The following USF2 variants were observed in gnomAD, a reference collection of about 807,000 sequenced individuals.
USF2 encodes the protein upstream transcription factor 2, c-fos interacting.
A neutral mutation model predicts 46.9 loss-of-function variants in USF2; 16 were observed. The ratio of observed to expected loss-of-function variants is 0.34; its 90% CI spans 0.23 to 0.52. USF2 has a LOEUF of 0.52. Ranked by LOEUF, USF2 falls within the 20% of genes least tolerant of loss-of-function variation. The probability of loss-of-function intolerance (pLI) is 0.96; values close to 1 mark genes in which losing one functional copy is unlikely to be tolerated. For missense variants in USF2, 411 were observed against 474.0 expected, an observed-to-expected ratio of 0.87 and a Z score of 1.23; for synonymous variants, 239 against 194.1, an observed-to-expected ratio of 1.23 and a Z score of -1.92.
intron 4 of USF2, 172 bp from the exon 5 acceptor site, chr19:35,270,275 C>T (rs1040122100): frequency 4.9e-5 from 52 of 1,051,056 alleles, no homozygotes; most frequent in Middle Eastern, 3.2e-4. Context: ...TGATCGCTGA[C>T]CTCCCGCCAT....
chr19:35,273,423 A>C (rs532768580), intron 7 of USF2, among the ~76,000 whole-genome samples: 1 of 151,768 alleles, frequency 6.6e-6, no homozygotes, highest in East Asian at 1.9e-4. Flanking sequence ...TTCCTACCCC[A>C]CTGTTAACAG....
Position 35,279,237 on chromosome 19 carries a change from G to GC in USF2, c.1023dup (p.Glu342ArgfsTer29). On this transcript the variant is annotated frameshift_variant, in exon 10 of 10. Transcript: ENST00000222305. LOFTEE classifies it high-confidence loss of function. ...CAGCAGCACAACCTGGAGATGGTGG[G>GC]CGAGGGCACCCGGCAGTGACGCCCG... 1 of 1,556,192 alleles carries GC rather than the reference G, an allele frequency of 6.4e-7. No homozygotes were observed. Among genetic ancestry groups the GC allele is most frequent in the Non-Finnish European group, 8.7e-7 (1 of 1,150,516 alleles).
intron 5 of USF2, 56 bp from the exon 6 acceptor site, chr19:35,270,662 C>G: frequency 1.9e-6 from 3 of 1,612,102 alleles, no homozygotes; most frequent in Non-Finnish European, 2.5e-6. Flanking sequence ...GGGAAGCCCC[C>G]CCAGCCAGTT....
chr19:35,275,954 G>T (rs1227002419), intron 7 of USF2: 1 of 151,406 alleles, frequency 6.6e-6, no homozygotes, highest in African/African-American at 2.4e-5. Flanking sequence ...GATTTTTGTT[G>T]TTGTTGTTTA....
chr19:35,278,554 G>T, intron 7 of USF2, 144 bp from the exon 8 acceptor site: 2 of 805,684 alleles, frequency 2.5e-6, no homozygotes, highest in Non-Finnish European at 2.0e-6. Flanking sequence ...GGCTCAGGGT[G>T]CGGCCCCTCA....
In USF2 at chr19:35,279,437, C is replaced by G; in HGVS notation, c.*181C>G. On this transcript the variant is annotated 3_prime_UTR_variant, in exon 10 of 10. Coordinates refer to ENST00000222305, the MANE Select transcript of USF2 (RefSeq NM_003367.4). Reference sequence around the variant, plus strand: ...TGGATACAGTGCCCACCGCCCTCCTCCACTTGGAAACGGTATCCTCCCTGC... The same window carrying G: ...TGGATACAGTGCCCACCGCCCTCCTGCACTTGGAAACGGTATCCTCCCTGC... The G allele has an allele frequency of 1.5e-6, 1 of 656,112 alleles. No individual in the cohort carries two copies. Among genetic ancestry groups the G allele is most frequent in the Non-Finnish European group, 2.4e-6 (1 of 420,142 alleles). The allele number at this position is 656,112 out of a possible 1,614,324, so 40.6% of individuals were successfully genotyped here.
intron 7 of USF2, among the ~76,000 whole-genome samples, chr19:35,273,399 T>C (rs2066185797): frequency 6.6e-6 from 1 of 152,212 alleles, no homozygotes; most frequent in African/African-American, 2.4e-5. Flanking sequence ...CTGATTCTCC[T>C]GTGATCTTTG....
At chr19:35,272,061 C>T (rs1358117627) in intron 7 of USF2, among the ~76,000 whole-genome samples, 2 of 152,042 alleles carry the variant, frequency 1.3e-5, no homozygotes, top group Non-Finnish European at 2.9e-5. Context: ...AATGCTGAGT[C>T]CTAAAGGTGG....
intron 4 of USF2, 187 bp from the exon 5 acceptor site, chr19:35,270,260 G>A (rs943028512): frequency 3.0e-5 from 29 of 972,110 alleles, no homozygotes; most frequent in Non-Finnish European, 3.7e-5. Flanking sequence ...GATTTGCTCA[G>A]CAAGTGATCG....
intron 4 of USF2, 54 bp from the exon 5 acceptor site, chr19:35,270,393 C>T (rs771764788): frequency 4.4e-6 from 7 of 1,578,710 alleles, no homozygotes; most frequent in Admixed American, 3.5e-5. Context: ...AATGAGGGGA[C>T]GGGATGGAGG....
intron 7 of USF2, chr19:35,277,833 G>T (rs1318345751): frequency 6.6e-6 from 1 of 152,382 alleles, no homozygotes; most frequent in African/African-American, 2.4e-5. Context: ...AGCAGGTCCT[G>T]AGTCAGGGGT....
chr19:35,271,303 G>A (rs905772726), intron 7 of USF2, among the ~76,000 whole-genome samples, 162 bp downstream of exon 7: 1 of 152,196 alleles, frequency 6.6e-6, no homozygotes, highest in Non-Finnish European at 1.5e-5. Flanking sequence ...GAGCAACGAG[G>A]GGAGAGTACA....
At chr19:35,269,315 C>G (rs1394970127) in intron 1 of USF2, 131 bp from the exon 2 acceptor site, 2 of 893,436 alleles carry the variant, frequency 2.2e-6, no homozygotes, top group African/African-American at 1.8e-5. Flanking sequence ...CTCCCGCCCC[C>G]GGCCCCCGGC....
Position 35,279,261 on chromosome 19 carries a change from C to CGCCACCACCACGCA in USF2, c.*9_*22dup. On this transcript the variant is annotated 3_prime_UTR_variant, in exon 10 of 10. Coordinates refer to ENST00000222305, the MANE Select transcript of USF2 (RefSeq NM_003367.4). ...GGCGAGGGCACCCGGCAGTGACGCC[C>CGCCACCACCACGCA]GCCACCACCACGCAGCCGCCGCCGC... The CGCCACCACCACGCA allele has an allele frequency of 6.6e-7, 1 of 1,516,192 alleles. No homozygotes were observed. The highest frequency in any genetic ancestry group is 8.8e-7 in the Non-Finnish European group (1 of 1,131,070). The allele number at this position is 1,516,192 out of a possible 1,614,324, so 93.9% of individuals were successfully genotyped here. A position where few individuals can be genotyped will look rare whatever the true frequency, so the allele number is the denominator to read the frequency against.
In USF2 at chr19:35,270,544, G is replaced by A. The variant is rs745514041; in HGVS notation, c.527G>A (p.Gly176Glu). The A allele has an allele frequency of 6.2e-7, 1 of 1,614,182 alleles. No individual in the cohort carries two copies. Among genetic ancestry groups the A allele is most frequent in the East Asian group, 2.2e-5 (1 of 44,892 alleles). The change falls in exon 5 of 10, where the codon GGA (glycine) becomes GAA (glutamate). Residue 176 changes from glycine to glutamate, a missense_variant. Gly to Glu is a moderately conservative substitution (Grantham distance 98, BLOSUM62 -2). This residue lies in a region of USF2 where 318 missense variants were observed against 322.4 expected (regional missense o/e 0.99). Transcript: ENST00000222305. The stretch of plus-strand genomic sequence containing the variant: ...GCCTATTTCCCAGCGTCCAGTGTGG[G>A]AGATACTACGGCTGTGTCCGTACAG... ...RFAYFPASSVGDTTAVSVQTT... is the reference protein window; with the variant it reads ...RFAYFPASSVEDTTAVSVQTT...
At chr19:35,275,264 C>G (rs1158360069) in intron 7 of USF2, 1 of 152,102 alleles carries the variant, frequency 6.6e-6, no homozygotes, top group Non-Finnish European at 1.5e-5. Flanking sequence ...CCAGGCTGGT[C>G]TCGAACTCCT....
intron 7 of USF2, 134 bp downstream of exon 7, chr19:35,271,275 G>C: frequency 1.0e-6 from 1 of 989,664 alleles, no homozygotes; most frequent in South Asian, 1.5e-5. Context: ...TTTGCTGGAC[G>C]CTGTAAAGGT....
At chr19:35,273,791 G>A (rs889968266) in intron 7 of USF2, among the ~76,000 whole-genome samples, 10 of 152,188 alleles carry the variant, frequency 6.6e-5, no homozygotes, top group Admixed American at 2.6e-4. Context: ...TCTGGCCTCA[G>A]GCAGTCCTCC....
In USF2 at chr19:35,278,976, G is replaced by C; in HGVS notation, c.853G>C (p.Asp285His). The change falls in exon 9 of 10, where the codon GAT becomes CAT. Residue 285 changes from aspartate (D) to histidine (H), a missense_variant. Physicochemically the swap from Asp to His is moderately conservative, Grantham distance 81 (BLOSUM62 -1). This residue lies in a region of USF2 where 93 missense variants were observed against 151.6 expected (regional missense o/e 0.61). Coordinates refer to ENST00000222305, the MANE Select transcript of USF2 (RefSeq NM_003367.4). ...AGGAGGGATCCTGTCCAAGGCCTGCGATTACATCCGGGAGTTGCGCCAGAC... is the reference window on the plus strand; with the variant it reads ...AGGAGGGATCCTGTCCAAGGCCTGCCATTACATCCGGGAGTTGCGCCAGAC... ...SKGGILSKAC[D>H]YIRELRQTNQ... 1.3e-6 allele frequency: 2 copies of C among 1,554,630 alleles called. No homozygotes were observed. The highest frequency in any genetic ancestry group is 1.7e-6 in the Non-Finnish European group (2 of 1,149,450).
Sources: allele counts gnomAD v4.1 joint callset (sites outside exome capture counted in the v4.1 genomes callset), GRCh38; gene constraint gnomAD v4.1.1; regional missense constraint gnomAD v4.1.1; transcripts MANE v1.5; gene names NCBI Gene and HGNC (gene_info 2026-07-23, HGNC 2026-07-21).